Variants in PARP11 observed in about 807,000 individuals in gnomAD.
PARP11 encodes poly(ADP-ribose) polymerase family member 11.
PARP11 carries 31 observed loss-of-function variants against 42.9 expected under a neutral mutation model. The observed-to-expected ratio is 0.72, with a 90% CI of 0.54 to 0.98. The LOEUF (loss-of-function observed/expected upper bound fraction) is 0.98, where lower values mean the gene tolerates loss of function less well. PARP11 is among the 50% of genes least tolerant of loss of function. The pLI is 0.00. For synonymous variants in PARP11, 137 were observed against 127.3 expected (o/e 1.08, Z -0.51); for missense variants, 365 against 413.1 (o/e 0.88, Z 1.01).
chr12:3,872,715 G>A (rs1182882311), intron 1 of PARP11: 3 of 985,136 alleles, frequency 3.0e-6, no homozygotes, highest in Non-Finnish European at 3.6e-6. Context: ...AGACTGGTGG[G>A]ACTGGCAGGT....
chr12:3,844,409 C>T (rs552835300), intron 1 of PARP11, among the ~76,000 whole-genome samples: 1 of 152,292 alleles, frequency 6.6e-6, no homozygotes, highest in East Asian at 1.9e-4. Flanking sequence ...GATAGAGGGT[C>T]CTCCACTTTC....
Position 3,810,363 on chromosome 12 carries a change from G to A in PARP11, c.*1760C>T, listed in dbSNP as rs2033869025. 6.6e-6 allele frequency: 1 copy of A among 152,190 alleles called. No individual in the cohort carries two copies. Among genetic ancestry groups the A allele is most frequent in the African/African-American group, 2.4e-5 (1 of 41,438 alleles). 9.4% of individuals were successfully genotyped at this position (152,190 alleles called of 1,614,324 possible). A position where few individuals can be genotyped will look rare whatever the true frequency, so the allele number is the denominator to read the frequency against. ...TCAGCACTTTGGAAGGCTGAGGCAG[G>A]CGGATCACCTGAGGTCAGGAGTTTG... On this transcript the variant is annotated 3_prime_UTR_variant, in exon 8 of 8. Coordinates refer to ENST00000228820, the MANE Select transcript of PARP11 (RefSeq NM_020367.6).
intron 1 of PARP11, among the ~76,000 whole-genome samples, chr12:3,849,756 A>G (rs943642213): frequency 3.9e-5 from 6 of 152,186 alleles, no homozygotes; most frequent in African/African-American, 1.4e-4. Context: ...TGTTCAATAG[A>G]TCAGTAGGGT....
chr12:3,868,393 G>A (rs1948425069), intron 1 of PARP11, among the ~76,000 whole-genome samples: 1 of 152,150 alleles, frequency 6.6e-6, no homozygotes, highest in Admixed American at 6.5e-5. Context: ...CCAGGAGGCA[G>A]AGGTTGCAGT....
intron 1 of PARP11, among the ~76,000 whole-genome samples, chr12:3,838,935 G>A (rs1413720409): frequency 1.3e-5 from 2 of 152,152 alleles, no homozygotes; most frequent in Non-Finnish European, 2.9e-5. Context: ...CACCGGTACA[G>A]ACGAGGAAAC....
At chr12:3,855,187 GC>G (rs1425006763) in intron 1 of PARP11, among the ~76,000 whole-genome samples, 7 of 152,160 alleles carry the variant, frequency 4.6e-5, no homozygotes, top group Non-Finnish European at 7.3e-5. Context: ...AACTGAATGA[GC>G]AAAAACTGGA....
Position 3,873,332 on chromosome 12 carries a change from A to C in PARP11, c.-103T>G. 1 of 1,103,374 alleles carries C rather than the reference A, an allele frequency of 9.1e-7. No individual in the cohort carries two copies. 68.3% of individuals were successfully genotyped at this position (1,103,374 alleles called of 1,614,324 possible). On this transcript the variant is annotated 5_prime_UTR_variant, in exon 1 of 8. Transcript: ENST00000228820. ...CCCGCGGGTCCCCGGGAGCGAAGGGACGGAGATGCAACCTTTACGAAGGCC... is the reference window on the plus strand; with the variant it reads ...CCCGCGGGTCCCCGGGAGCGAAGGGCCGGAGATGCAACCTTTACGAAGGCC...
chr12:3,840,612 C>A lies in PARP11; in HGVS notation c.19-10594G>T. 4 of 1,290,580 alleles carry A rather than the reference C, an allele frequency of 3.1e-6. No homozygotes were observed. Among genetic ancestry groups the A allele is most frequent in the Non-Finnish European group, 4.5e-6 (4 of 885,030 alleles). The allele number at this position is 1,290,580 out of a possible 1,614,324, so 79.9% of individuals were successfully genotyped here. ...CTGATCACACAAGTCGAGAATCTAA[C>A]TATTGCTACTTCTCAGAGTAGCAAT... On this transcript the variant is annotated intron_variant, in intron 1 of 7. Transcript: ENST00000228820. This position sits in a 1 kb window ranked among gnomAD's most constrained non-coding sequence, Gnocchi z 4.4.
intron 1 of PARP11, among the ~76,000 whole-genome samples, chr12:3,837,928 C>T (rs189425913): frequency 6.6e-6 from 1 of 151,598 alleles, no homozygotes; most frequent in African/African-American, 2.4e-5. Context: ...ATGCACTCAA[C>T]ACCCAAGATC....
chr12:3,859,549 G>A (rs1282115929), intron 1 of PARP11, among the ~76,000 whole-genome samples: 1 of 137,790 alleles, frequency 7.3e-6, no homozygotes, highest in Non-Finnish European at 1.6e-5. Context: ...GTGACAGAGT[G>A]AGACTCTGCT....
Position 3,829,915 on chromosome 12 carries a change from T to C in PARP11, c.122A>G (p.Glu41Gly), listed in dbSNP as rs1565537050. The change falls in exon 2 of 8, where the codon GAA becomes GGA. Residue 41 changes from glutamate to glycine, a missense_variant. Physicochemically the swap from Glu to Gly is moderately conservative, Grantham distance 98. Transcript: ENST00000228820. ...DTQWGWFYLA[E>G]CGKWHMFQPD... is the part of the protein sequence containing the mutation. ...CTGAAACATGTGCCACTTCCCACATTCTGCCAAGTAAAACCAGCCCCACTG... is the reference window on the plus strand; with the variant it reads ...CTGAAACATGTGCCACTTCCCACATCCTGCCAAGTAAAACCAGCCCCACTG... 6.2e-7 allele frequency: 1 copy of C among 1,614,044 alleles called. No homozygotes were observed. Among genetic ancestry groups the C allele is most frequent in the Non-Finnish European group, 8.5e-7 (1 of 1,179,936 alleles).
chr12:3,814,459 C>T (rs1284968305), intron 6 of PARP11, among the ~76,000 whole-genome samples: 3 of 152,124 alleles, frequency 2.0e-5, no homozygotes, highest in South Asian at 4.1e-4. Flanking sequence ...GCCCCAATAT[C>T]ATAAAGGTAA....
At chr12:3,841,373 T>C in intron 1 of PARP11, 1 of 1,312,934 alleles carries the variant, frequency 7.6e-7, no homozygotes, top group South Asian at 1.2e-5. Flanking sequence ...GCCTGCAGGA[T>C]GTACCCAAAG....
At chr12:3,872,625 G>A in intron 1 of PARP11, 1 of 985,256 alleles carries the variant, frequency 1.0e-6, no homozygotes, top group South Asian at 4.7e-5. Flanking sequence ...TTAAACGACT[G>A]TCCACCAAGA....
chr12:3,841,894 A>C, intron 1 of PARP11: 1 of 1,608,080 alleles, frequency 6.2e-7, no homozygotes, highest in East Asian at 2.2e-5. Context: ...TTCAGTTTCC[A>C]CAGTAGATGA....
intron 1 of PARP11, among the ~76,000 whole-genome samples, chr12:3,838,434 T>C (rs1220206082): frequency 6.6e-6 from 1 of 151,994 alleles, no homozygotes; most frequent in Non-Finnish European, 1.5e-5. Flanking sequence ...CCAAAATCTA[T>C]GGGATACAAC....
chr12:3,847,015 T>C (rs2138085877), intron 1 of PARP11, among the ~76,000 whole-genome samples: 1 of 151,844 alleles, frequency 6.6e-6, no homozygotes, highest in East Asian at 1.9e-4. Flanking sequence ...CAGTTAAAGC[T>C]ACAGTGAGCT....
chr12:3,826,522 T>C (rs1947530490), intron 3 of PARP11, among the ~76,000 whole-genome samples: 1 of 152,188 alleles, frequency 6.6e-6, no homozygotes, highest in Non-Finnish European at 1.5e-5. Context: ...TGTATCACAC[T>C]TAGGTTAAAC....
chr12:3,870,085 G>C (rs1044703226), intron 1 of PARP11, among the ~76,000 whole-genome samples: 1 of 152,092 alleles, frequency 6.6e-6, no homozygotes, highest in Non-Finnish European at 1.5e-5. Flanking sequence ...TTCATTTCTG[G>C]AATTTTCCAT....
Sources: allele counts gnomAD v4.1 joint callset (sites outside exome capture counted in the v4.1 genomes callset), GRCh38; gene constraint gnomAD v4.1.1; non-coding constraint Gnocchi (gnomAD v3.1); transcripts MANE v1.5; gene names NCBI Gene and HGNC (gene_info 2026-07-23, HGNC 2026-07-21).